The following BCAS3 variants were observed in gnomAD, a reference collection of about 807,000 sequenced individuals.
The protein encoded by BCAS3 is BCAS3 microtubule associated cell migration factor, also known as BCAS4/BCAS3 fusion.
In BCAS3, 53 loss-of-function variants were observed where a neutral mutation model predicts 116.1. The ratio of observed to expected loss-of-function variants is 0.46; its 90% CI spans 0.37 to 0.57. The LOEUF (loss-of-function observed/expected upper bound fraction) is 0.57, where lower values mean the gene tolerates loss of function less well. Among genes scored for constraint, BCAS3 ranks in the 20% least tolerant of loss-of-function variants. The pLI is 0.00. For synonymous variants in BCAS3, 391 were observed against 408.2 expected (o/e 0.96, Z 0.51); for missense variants, 917 against 1,165.4 (o/e 0.79, Z 3.10).
In BCAS3 at chr17:61,034,024, A is replaced by G. The variant is rs558426303; in HGVS notation, c.1638-642A>G. 6.5e-4 allele frequency among the ~76,000 whole-genome samples: 99 copies of G among 152,216 alleles called. No homozygotes were observed. Among genetic ancestry groups the G allele is most frequent in the Non-Finnish European group, 8.7e-4 (59 of 68,034 alleles). On this transcript the variant is annotated intron_variant, in intron 16 of 23. Coordinates refer to ENST00000407086, the MANE Select transcript of BCAS3 (RefSeq NM_017679.5). This position sits in a 1 kb window ranked among gnomAD's most constrained non-coding sequence, Gnocchi z 5.0. ...TCTTTTTCTCTGAACAAAAATAGAC[A>G]CATCATTTTCACAAATCCGAGAAGA...
rs71148392 is a variant in BCAS3 at position 61,206,801 on chromosome 17, CAAAAAAAAAA to C, written c.2425+122256_2425+122265del. On this transcript the variant is annotated intron_variant, in intron 22 of 23. Coordinates refer to ENST00000407086, the MANE Select transcript of BCAS3 (RefSeq NM_017679.5). Reference sequence around the variant, plus strand: ...GGGCAACAAGAGCGAAACTCTGTCTCAAAAAAAAAAAAAAAAAAAAAAAAAAAATTGTGAA... The same window carrying C: ...GGGCAACAAGAGCGAAACTCTGTCTCAAAAAAAAAAAAAAAAAATTGTGAA... 3.5e-4 allele frequency among the ~76,000 whole-genome samples: 26 copies of C among 74,922 alleles called. No individual in the cohort carries two copies. In the East Asian group the frequency reaches 6.5e-3, roughly 19 times the overall value. 49.2% of individuals were successfully genotyped at this position (74,922 alleles called of 152,430 possible). A position where few individuals can be genotyped will look rare whatever the true frequency, so the allele number is the denominator to read the frequency against.
At chr17:61,101,429 ACT>A (rs1555716827) in intron 22 of BCAS3, among the ~76,000 whole-genome samples, 2 of 151,882 alleles carry the variant, frequency 1.3e-5, no homozygotes, top group Non-Finnish European at 2.9e-5. Flanking sequence ...CTCACAATTC[ACT>A]CTATAGTGGG....
rs2058820405 is a variant in BCAS3 at position 61,367,810 on chromosome 17, T to C, written c.2426-517T>C. On this transcript the variant is annotated intron_variant, in intron 22 of 23. Coordinates refer to ENST00000407086, the MANE Select transcript of BCAS3 (RefSeq NM_017679.5). The surrounding 1 kb of genome is among the most constrained non-coding windows in gnomAD (Gnocchi z 6.2). ...TTCTTTAAATGAAAATTTATTTATT[T>C]ATTTATTTATTTATTTGTAGAGACA... 1 of 149,268 alleles carries C rather than the reference T, an allele frequency of 6.7e-6. No individual in the cohort carries two copies. The highest frequency in any genetic ancestry group is 1.5e-5 in the Non-Finnish European group (1 of 68,014). The allele number at this position is 149,268 out of a possible 1,614,324, so 9.2% of individuals were successfully genotyped here. A position where few individuals can be genotyped will look rare whatever the true frequency, so the allele number is the denominator to read the frequency against.
intron 15 of BCAS3, chr17:61,003,916 C>T (rs1157568389): frequency 1.3e-5 from 2 of 152,006 alleles, no homozygotes; most frequent in Admixed American, 1.3e-4. Flanking sequence ...ATTATCATAC[C>T]TCAAATAGTC....
intron 22 of BCAS3, among the ~76,000 whole-genome samples, chr17:61,102,504 A>C (rs990745529): frequency 6.6e-6 from 1 of 152,146 alleles, no homozygotes; most frequent in African/African-American, 2.4e-5. Context: ...TTTTCAGAAG[A>C]AGGTGTGATT....
At chr17:61,298,387 C>A (rs1358753105) in intron 22 of BCAS3, among the ~76,000 whole-genome samples, 1 of 152,040 alleles carries the variant, frequency 6.6e-6, no homozygotes, top group Non-Finnish European at 1.5e-5. Context: ...CCAGTCAGCT[C>A]CCTAGCTAGC....
intron 7 of BCAS3, among the ~76,000 whole-genome samples, chr17:60,818,897 C>G (rs935354380): frequency 6.6e-6 from 1 of 151,970 alleles, no homozygotes; most frequent in Non-Finnish European, 1.5e-5. Flanking sequence ...GTTAGCATAC[C>G]AGGTGATCCA....
intron 22 of BCAS3, among the ~76,000 whole-genome samples, chr17:61,247,211 G>A: frequency 6.6e-6 from 1 of 151,992 alleles, no homozygotes; most frequent in African/African-American, 2.4e-5. Flanking sequence ...TAAAGATGAG[G>A]TTTTTAAAAA....
chr17:60,693,947 G>T (rs1256831606), intron 4 of BCAS3, among the ~76,000 whole-genome samples: 1 of 144,276 alleles, frequency 6.9e-6, no homozygotes, highest in African/African-American at 2.6e-5. Flanking sequence ...GTGCAGTGGC[G>T]TGATCTTGGC....
intron 19 of BCAS3, 29 bp downstream of exon 19, chr17:61,040,921 T>C: frequency 1.3e-6 from 2 of 1,550,022 alleles, no homozygotes; most frequent in South Asian, 2.2e-5. Context: ...TTTTTTCCTT[T>C]CGTATGGTCT....
intron 6 of BCAS3, among the ~76,000 whole-genome samples, chr17:60,794,497 G>A (rs2047045203): frequency 6.6e-6 from 1 of 152,138 alleles, no homozygotes; most frequent in African/African-American, 2.4e-5. Context: ...GTCTAGAAGG[G>A]TTTTTCCAAT....
In BCAS3 at chr17:61,380,325, A is replaced by G; in HGVS notation, c.2594-11652A>G. 1 of 621,808 alleles carries G rather than the reference A, an allele frequency of 1.6e-6. No individual in the cohort carries two copies. The highest frequency in any genetic ancestry group is 2.9e-6 in the Non-Finnish European group (1 of 347,414). 38.5% of individuals were successfully genotyped at this position (621,808 alleles called of 1,614,324 possible). ...GGGAAGGATGATACCAGTTTAGGCTAGTGAGAAATCTGTAAAACCCTAGAT... is the reference window on the plus strand; with the variant it reads ...GGGAAGGATGATACCAGTTTAGGCTGGTGAGAAATCTGTAAAACCCTAGAT... On this transcript the variant is annotated intron_variant, in intron 23 of 23. Coordinates refer to ENST00000407086, the MANE Select transcript of BCAS3 (RefSeq NM_017679.5). This position sits in a 1 kb window ranked among gnomAD's most constrained non-coding sequence, Gnocchi z 4.2.
chr17:60,721,559 T>C (rs2039239458), intron 5 of BCAS3, among the ~76,000 whole-genome samples: 2 of 152,316 alleles, frequency 1.3e-5, no homozygotes, highest in Admixed American at 6.5e-5. Context: ...CAGTAGACAT[T>C]ACTGTGAGTT....
rs2048391897 is a variant in BCAS3 at position 61,251,876 on chromosome 17, G to T, written c.2426-116451G>T. Among the ~76,000 whole-genome samples the T allele has an allele frequency of 1.3e-5, 2 of 152,218 alleles. No homozygotes were observed. Among genetic ancestry groups the T allele is most frequent in the African/African-American group, 4.8e-5 (2 of 41,454 alleles). ...TTTATAGTGAGGTGGAGGTTGTAAA[G>T]AAGCTCTTTATAATGAAGATCCCAA... is the stretch of plus-strand genomic sequence containing the variant. On this transcript the variant is annotated intron_variant, in intron 22 of 23. Coordinates refer to ENST00000407086, the MANE Select transcript of BCAS3 (RefSeq NM_017679.5). This position sits in a 1 kb window ranked among gnomAD's most constrained non-coding sequence, Gnocchi z 4.7.
At chr17:61,262,443 C>T (rs535492760) in intron 22 of BCAS3, among the ~76,000 whole-genome samples, 8 of 151,540 alleles carry the variant, frequency 5.3e-5, no homozygotes, top group Admixed American at 6.6e-5. Flanking sequence ...TGTAGTGGCA[C>T]GATCTCCACT....
intron 5 of BCAS3, among the ~76,000 whole-genome samples, chr17:60,736,368 T>G (rs534887072): frequency 6.0e-4 from 92 of 152,144 alleles, no homozygotes; most frequent in African/African-American, 2.2e-3. Flanking sequence ...GTATTTTTAT[T>G]AGAGACGGTG....
At chr17:60,716,045 T>C (rs2038565498) in intron 5 of BCAS3, among the ~76,000 whole-genome samples, 1 of 151,974 alleles carries the variant, frequency 6.6e-6, no homozygotes, top group African/African-American at 2.4e-5. Flanking sequence ...ATATTTTTAG[T>C]AGAGACGGGG....
At chr17:61,179,273 C>CTTTTTT (rs34316965) in intron 22 of BCAS3, among the ~76,000 whole-genome samples, 2 of 129,934 alleles carry the variant, frequency 1.5e-5, no homozygotes, top group Non-Finnish European at 1.6e-5. Context: ...AAGAAAAAGC[C>CTTTTTT]TTTTTTTTTT....
At chr17:60,985,826 T>G (rs2063109761) in intron 14 of BCAS3, among the ~76,000 whole-genome samples, 1 of 152,238 alleles carries the variant, frequency 6.6e-6, no homozygotes, top group African/African-American at 2.4e-5. Context: ...AACCTCCACC[T>G]CCTGGGTTCA....
Sources: allele counts gnomAD v4.1 joint callset (sites outside exome capture counted in the v4.1 genomes callset), GRCh38; gene constraint gnomAD v4.1.1; non-coding constraint Gnocchi (gnomAD v3.1); transcripts MANE v1.5; gene names NCBI Gene and HGNC (gene_info 2026-07-23, HGNC 2026-07-21).